Variants in SCN10A observed in about 807,000 individuals in gnomAD.
The protein encoded by SCN10A is sodium channel protein type 10 subunit alpha.
Under a neutral mutation model 170.7 loss-of-function variants are expected in SCN10A, and 162 were observed. That is an observed-to-expected ratio of 0.95 (90% CI 0.84 to 1.08). SCN10A has a LOEUF of 1.08. Among genes scored for constraint, SCN10A ranks in the 50% least tolerant of loss-of-function variants. SCN10A has a pLI of 0.00. For missense variants in SCN10A, 2,527 were observed against 2,436.9 expected (o/e 1.04, Z -0.78); for synonymous variants, 985 against 904.6 (o/e 1.09, Z -1.59).
At position 38,712,348 on chromosome 3, in the gene SCN10A, T is replaced by C; in HGVS notation, c.3902A>G (p.Asn1301Ser). 1 of 1,614,044 alleles carries C rather than the reference T, an allele frequency of 6.2e-7. No individual in the cohort carries two copies. The change falls in exon 23 of 28, where the codon AAC (asparagine) becomes AGC (serine). Residue 1301 changes from asparagine to serine, a missense_variant. Asn to Ser is a conservative substitution (Grantham distance 46). Transcript: ENST00000449082. The part of the protein sequence containing the change: ...FWLIFSIMGV[N>S]LFAGKFWRCI... ...CCTCCAAAACTTCCCTGCGAAGAGGTTCACACCCATGATGCTGAAGATGAG... is the reference window on the plus strand; with the variant it reads ...CCTCCAAAACTTCCCTGCGAAGAGGCTCACACCCATGATGCTGAAGATGAG...
intron 3 of SCN10A, among the ~76,000 whole-genome samples, chr3:38,790,535 G>A (rs976464323): frequency 2.0e-5 from 3 of 151,864 alleles, no homozygotes; most frequent in African/African-American, 7.3e-5. Context: ...TCCATAAAGA[G>A]GAGTTTGTAT....
chr3:38,728,995 C>T, intron 15 of SCN10A, 94 bp from the exon 16 acceptor site: 1 of 1,473,546 alleles, frequency 6.8e-7, no homozygotes, highest in East Asian at 2.3e-5. Flanking sequence ...GGGAAAAACA[C>T]AAGGCCTCTC....
chr3:38,709,152 T>C (rs1467175819), intron 25 of SCN10A, among the ~76,000 whole-genome samples: 4 of 152,100 alleles, frequency 2.6e-5, no homozygotes, highest in African/African-American at 9.7e-5. Context: ...CCCCAACAGG[T>C]CAGCAAGTTC....
intron 15 of SCN10A, 45 bp downstream of exon 15, chr3:38,739,470 A>C (rs753912194): frequency 1.0e-4 from 157 of 1,572,758 alleles, no homozygotes; most frequent in Admixed American, 8.3e-4. Context: ...GTCTTCCCTG[A>C]ATCTGGGTGG....
chr3:38,794,034 A>G lies in SCN10A; in HGVS notation c.-24T>C, dbSNP rs1559469522. ...ATCTTCTCATTCTTCTTCAGGAAGT[A>G]TTTATACTCTTATAAGAGTGGACAT... On this transcript the variant is annotated 5_prime_UTR_variant, in exon 2 of 28. Transcript: ENST00000449082. The G allele has an allele frequency of 6.2e-7, 1 of 1,610,048 alleles. No homozygotes were observed. The highest frequency in any genetic ancestry group is 8.5e-7 in the Non-Finnish European group (1 of 1,177,076).
chr3:38,763,733 A>T, intron 5 of SCN10A, 137 bp from the exon 6 acceptor site: 2 of 657,508 alleles, frequency 3.0e-6, no homozygotes, highest in Admixed American at 4.9e-5. Flanking sequence ...TGACACTGCC[A>T]TCTATAGACT....
At chr3:38,801,296 CA>C (rs1326336381) in intron 1 of SCN10A, among the ~76,000 whole-genome samples, 1 of 152,174 alleles carries the variant, frequency 6.6e-6, no homozygotes, top group African/African-American at 2.4e-5. Context: ...TCATTATGTA[CA>C]GTGAGTTTAC....
At chr3:38,719,365 C>CTGT in intron 20 of SCN10A, among the ~76,000 whole-genome samples, 1 of 103,010 alleles carries the variant, frequency 9.7e-6, no homozygotes, top group South Asian at 3.5e-4. Flanking sequence ...GGGGCTGCCA[C>CTGT]TCTTTTTTTT....
rs756582059 is a variant in SCN10A at position 38,728,896 on chromosome 3, G to A, written c.2286C>T (p.Arg762=). 1.7e-5 allele frequency: 27 copies of A among 1,605,690 alleles called. No homozygotes were observed. The highest frequency in any genetic ancestry group is 2.0e-5 in the Non-Finnish European group (23 of 1,173,642). The change falls in exon 16 of 28, where the codon CGC becomes CGT. Residue 762 remains arginine (R), a synonymous_variant. Coordinates refer to ENST00000449082, the MANE Select transcript of SCN10A (RefSeq NM_006514.4). ...LSVLRSFRLL[R]VFKLAKSWPT... Reference sequence around the variant, plus strand: ...GCCAGGATTTGGCCAGCTTGAATACGCGCAGCTGCAGAGAAACAGAGACCG... The same window carrying A: ...GCCAGGATTTGGCCAGCTTGAATACACGCAGCTGCAGAGAAACAGAGACCG...
chr3:38,756,038 C>A, intron 10 of SCN10A, 80 bp from the exon 11 acceptor site: 1 of 1,482,794 alleles, frequency 6.7e-7, no homozygotes, highest in South Asian at 1.2e-5. Context: ...CATGGGGTGC[C>A]AGGGGTGAGA....
intron 15 of SCN10A, among the ~76,000 whole-genome samples, chr3:38,737,182 A>G (rs1014433308): frequency 4.0e-5 from 6 of 150,820 alleles, no homozygotes; most frequent in South Asian, 2.1e-4. Context: ...GTGTTAGCCA[A>G]GATGGTCTCG....
intron 15 of SCN10A, among the ~76,000 whole-genome samples, chr3:38,729,483 C>T (rs1189902147): frequency 6.6e-6 from 1 of 152,034 alleles, no homozygotes; most frequent in Admixed American, 6.6e-5. Context: ...ACGAACCTAC[C>T]CCCCAGAACT....
At position 38,712,365 on chromosome 3, in the gene SCN10A, GA is replaced by G. The variant is rs2063284404; in HGVS notation, c.3884del (p.Phe1295SerfsTer6). 1 of 1,614,184 alleles carries G rather than the reference GA, an allele frequency of 6.2e-7. No homozygotes were observed. The highest frequency in any genetic ancestry group is 8.5e-7 in the Non-Finnish European group (1 of 1,180,034). ...LLVCLIFWLI[F>X]SIMGVNLFAG... The stretch of plus-strand genomic sequence containing the variant: ...CGAAGAGGTTCACACCCATGATGCT[GA>G]AGATGAGCCAGAAGATGAGGCAGAC... On this transcript the variant is annotated frameshift_variant, in exon 23 of 28. Coordinates refer to ENST00000449082, the MANE Select transcript of SCN10A (RefSeq NM_006514.4). LOFTEE classifies it high-confidence loss of function.
intron 15 of SCN10A, among the ~76,000 whole-genome samples, chr3:38,738,924 T>C (rs1374218179): frequency 1.3e-5 from 2 of 152,138 alleles, no homozygotes; most frequent in Non-Finnish European, 2.9e-5. Flanking sequence ...GCTTGAGACA[T>C]TGGGGCTGTG....
chr3:38,739,024 G>T (rs1448363034), intron 15 of SCN10A, among the ~76,000 whole-genome samples: 2 of 152,130 alleles, frequency 1.3e-5, no homozygotes, highest in Non-Finnish European at 2.9e-5. Context: ...TTGAGATCCA[G>T]GTCTGTGGCT....
In SCN10A at chr3:38,728,733, G is replaced by T. The variant is rs763084100; in HGVS notation, c.2449C>A (p.Arg817=). The T allele has an allele frequency of 5.6e-6, 9 of 1,613,996 alleles. No homozygotes were observed. Among genetic ancestry groups the T allele is most frequent in the Non-Finnish European group, 7.6e-6 (9 of 1,180,012 alleles). ...QLLGENYRNN[R]KNISAPHEDW... ...TCATGGGGCGCGGAGATATTTTTTC[G>T]GTTGTTACGGTAGTTTTCCCCTAGG... Residue 817 remains arginine, a synonymous_variant, in exon 16 of 28, where the codon CGA becomes AGA. Coordinates refer to ENST00000449082, the MANE Select transcript of SCN10A (RefSeq NM_006514.4).
intron 4 of SCN10A, among the ~76,000 whole-genome samples, chr3:38,775,670 G>T (rs1196208715): frequency 6.6e-6 from 1 of 152,092 alleles, no homozygotes; most frequent in Non-Finnish European, 1.5e-5. Flanking sequence ...GTGAAGATAT[G>T]CTGACAACTT....
intron 3 of SCN10A, 149 bp from the exon 4 acceptor site, chr3:38,789,185 A>G: frequency 3.2e-6 from 2 of 630,116 alleles, no homozygotes; most frequent in Non-Finnish European, 5.7e-6. Flanking sequence ...ACATTTACTG[A>G]GTGCCTAAGC....
intron 13 of SCN10A, among the ~76,000 whole-genome samples, chr3:38,747,571 G>A (rs1289389571): frequency 6.6e-6 from 1 of 152,142 alleles, no homozygotes; most frequent in Non-Finnish European, 1.5e-5. Context: ...AGTTACTGAA[G>A]CTCCAAGGTC....
Sources: allele counts gnomAD v4.1 joint callset (sites outside exome capture counted in the v4.1 genomes callset), GRCh38; gene constraint gnomAD v4.1.1; transcripts MANE v1.5; gene names NCBI Gene and HGNC (gene_info 2026-07-23, HGNC 2026-07-21).